Variants in FYB2 observed in about 807,000 individuals in gnomAD.
The protein encoded by FYB2 is FYN-binding protein 2.
A neutral mutation model predicts 94.1 loss-of-function variants in FYB2; 103 were observed. The observed-to-expected ratio is 1.09, with a 90% CI of 0.93 to 1.29. FYB2 has a LOEUF of 1.29. FYB2 is among the 50% of genes most tolerant of loss of function. The probability of loss-of-function intolerance (pLI) is 0.00; values close to 1 mark genes in which losing one functional copy is unlikely to be tolerated. For synonymous variants in FYB2, 293 were observed against 287.9 expected (o/e 1.02, Z -0.18); for missense variants, 896 against 841.5 (o/e 1.06, Z -0.80).
Position 56,792,731 on chromosome 1 carries a change from T to C in FYB2, c.82A>G (p.Ile28Val), listed in dbSNP as rs1215525078. 1.2e-6 allele frequency: 2 copies of C among 1,614,066 alleles called. No homozygotes were observed. The highest frequency in any genetic ancestry group is 1.7e-6 in the Non-Finnish European group (2 of 1,179,996). ...NLDAPPLPGP[I>V]KFPAGVSPKG... is the part of the protein sequence containing the mutation. ...GGAGAAACACCTGCTGGGAATTTAA[T>C]AGGTCCTGGAAGAGGTGGAGCATCA... The change falls in exon 2 of 20, where the codon ATT becomes GTT. Residue 28 changes from isoleucine (I) to valine (V), a missense_variant. By Grantham distance (29) the Ile-to-Val change is conservative. Coordinates refer to ENST00000343433, the MANE Select transcript of FYB2 (RefSeq NM_001004303.5).
intron 4 of FYB2, among the ~76,000 whole-genome samples, chr1:56,785,804 A>T (rs1371149395): frequency 2.0e-5 from 3 of 152,168 alleles, no homozygotes; most frequent in Admixed American, 6.5e-5. Flanking sequence ...TACTCATTTC[A>T]AATGTTTCCT....
At chr1:56,729,572 G>A (rs1231426542) in intron 15 of FYB2, among the ~76,000 whole-genome samples, 1 of 152,030 alleles carries the variant, frequency 6.6e-6, no homozygotes, top group Non-Finnish European at 1.5e-5. Context: ...TACAATAATA[G>A]TTGGGAGACT....
chr1:56,744,000 C>T, intron 11 of FYB2, 26 bp downstream of exon 11: 1 of 1,608,402 alleles, frequency 6.2e-7, no homozygotes. Context: ...CTACTGGCAA[C>T]TTCAGAAATG....
intron 15 of FYB2, among the ~76,000 whole-genome samples, chr1:56,732,516 T>A (rs1644733568): frequency 6.6e-6 from 1 of 152,138 alleles, no homozygotes; most frequent in Non-Finnish European, 1.5e-5. Flanking sequence ...AGACCCCAAG[T>A]AGCTGAAGCA....
At chr1:56,779,830 G>A (rs1645967201) in intron 4 of FYB2, among the ~76,000 whole-genome samples, 1 of 152,130 alleles carries the variant, frequency 6.6e-6, no homozygotes, top group Admixed American at 6.6e-5. Flanking sequence ...CTTCATGGTG[G>A]AAAAATTCTG....
intron 15 of FYB2, among the ~76,000 whole-genome samples, chr1:56,727,963 T>A (rs1434635381): frequency 6.6e-6 from 1 of 152,098 alleles, no homozygotes; most frequent in Non-Finnish European, 1.5e-5. Flanking sequence ...TGTGCTATGA[T>A]CACGCCTGTG....
chr1:56,787,684 T>A (rs1332471698), intron 3 of FYB2, among the ~76,000 whole-genome samples: 4 of 152,162 alleles, frequency 2.6e-5, no homozygotes, highest in African/African-American at 9.7e-5. Flanking sequence ...GATAAGGAAA[T>A]TATCCCTATT....
chr1:56,744,156 C>T lies in FYB2; in HGVS notation c.1498G>A (p.Glu500Lys). 3 of 1,612,448 alleles carry T rather than the reference C, an allele frequency of 1.9e-6. No homozygotes were observed. The highest frequency in any genetic ancestry group is 4.5e-5 in the East Asian group (2 of 44,798). ...IYDDVEYSRK[E>K]VPKLNYSSSL... ...AAAGACTGGAATGTTACTTACACCT[C>T]TTTCCTGGAGTACTCGACATCATCA... The change falls in exon 10 of 20, where the codon GAG (glutamate) becomes AAG (lysine). Residue 500 changes from glutamate (E) to lysine (K), a missense_variant. By Grantham distance (56) the Glu-to-Lys change is moderately conservative. Coordinates refer to ENST00000343433, the MANE Select transcript of FYB2 (RefSeq NM_001004303.5).
intron 9 of FYB2, among the ~76,000 whole-genome samples, chr1:56,750,408 A>G (rs752732118): frequency 6.6e-6 from 1 of 151,972 alleles, no homozygotes; most frequent in Non-Finnish European, 1.5e-5. Flanking sequence ...AAAGGGTAGC[A>G]AAACCAGGAG....
At chr1:56,763,005 T>C (rs1645535496) in intron 5 of FYB2, among the ~76,000 whole-genome samples, 1 of 152,222 alleles carries the variant, frequency 6.6e-6, no homozygotes, top group Non-Finnish European at 1.5e-5. Flanking sequence ...ATTGTCTAAT[T>C]TTTCTTCTTT....
At chr1:56,825,557 C>T in the FYB2 span, among the ~76,000 whole-genome samples, 8 of 152,140 alleles carry the variant, frequency 5.3e-5, no homozygotes, top group Non-Finnish European at 8.8e-5. Context: ...TCTCACCCTA[C>T]GGAACCTGTA....
In FYB2 at chr1:56,719,405, C is replaced by T; in HGVS notation, c.*266G>A. On this transcript the variant is annotated 3_prime_UTR_variant, in exon 20 of 20. Coordinates refer to ENST00000343433, the MANE Select transcript of FYB2 (RefSeq NM_001004303.5). ...GGCTCATTAAATAAGTGCTCAAATG[C>T]TAACACATACTGTTTCACATTCTCT... is the stretch of plus-strand genomic sequence containing the variant. 1 of 380,016 alleles carries T rather than the reference C, an allele frequency of 2.6e-6. No homozygotes were observed. Among genetic ancestry groups the T allele is most frequent in the East Asian group, 4.1e-5 (1 of 24,616 alleles). The allele number at this position is 380,016 out of a possible 1,614,324, so 23.5% of individuals were successfully genotyped here. A position where few individuals can be genotyped will look rare whatever the true frequency, so the allele number is the denominator to read the frequency against.
intron 4 of FYB2, among the ~76,000 whole-genome samples, chr1:56,772,755 A>T (rs1432613372): frequency 6.6e-6 from 1 of 152,164 alleles, no homozygotes; most frequent in Non-Finnish European, 1.5e-5. Context: ...TCTATAAAAC[A>T]GTTATAATAA....
intron 1 of FYB2, among the ~76,000 whole-genome samples, chr1:56,814,864 A>T (rs1239854743): frequency 6.6e-6 from 1 of 152,146 alleles, no homozygotes; most frequent in Admixed American, 6.6e-5. Flanking sequence ...ATTGCTCTTG[A>T]AGCCTACATG....
Position 56,733,464 on chromosome 1 carries a change from C to T in FYB2, c.1793+3623G>A, listed in dbSNP as rs151166778. 7.2e-3 allele frequency among the ~76,000 whole-genome samples: 1,101 copies of T among 151,996 alleles called. 15 individuals carry two copies. Among genetic ancestry groups the T allele is most frequent in the African/African-American group, 0.026 (1,069 of 41,488 alleles). Reference sequence around the variant, plus strand: ...CTGTTCTGATCTTAGTTATTTCTTGCCTTCTGCTAGCTTTTGAATTTGTTT... The same window carrying T: ...CTGTTCTGATCTTAGTTATTTCTTGTCTTCTGCTAGCTTTTGAATTTGTTT... On this transcript the variant is annotated intron_variant, in intron 15 of 19. Transcript: ENST00000343433.
chr1:56,819,623 C>A (rs878991028), upstream of FYB2: 2 of 492,386 alleles, frequency 4.1e-6, no homozygotes, highest in Non-Finnish European at 7.4e-6. Flanking sequence ...CTGACAGTCA[C>A]TCACTCTCCA....
chr1:56,794,419 C>T (rs574285337), intron 1 of FYB2, among the ~76,000 whole-genome samples: 2 of 152,288 alleles, frequency 1.3e-5, no homozygotes, highest in African/African-American at 4.8e-5. Context: ...AGCCACTATC[C>T]TCTCCTGATC....
intron 1 of FYB2, among the ~76,000 whole-genome samples, chr1:56,801,213 C>T (rs1311916763): frequency 6.6e-6 from 1 of 152,134 alleles, no homozygotes; most frequent in African/African-American, 2.4e-5. Flanking sequence ...CTTGTGCTCT[C>T]CCAAGCATGG....
At chr1:56,800,040 C>A (rs147482671) in intron 1 of FYB2, among the ~76,000 whole-genome samples, 3,403 of 152,304 alleles carry the variant, frequency 0.022, 101 homozygotes, top group Admixed American at 0.1. Flanking sequence ...CTGTTGCCTT[C>A]CACAGGGAGA....
Sources: allele counts gnomAD v4.1 joint callset (sites outside exome capture counted in the v4.1 genomes callset), GRCh38; gene constraint gnomAD v4.1.1; transcripts MANE v1.5; gene names NCBI Gene and HGNC (gene_info 2026-07-23, HGNC 2026-07-21).